The following TBC1D32 variants were observed in gnomAD, a reference collection of about 807,000 sequenced individuals.
TBC1D32 encodes protein broad-minded.
In TBC1D32, 151 loss-of-function variants were observed where a neutral mutation model predicts 170.3. The ratio of observed to expected loss-of-function variants is 0.89; its 90% CI spans 0.78 to 1.01. The LOEUF is 1.01. Ranked by LOEUF, TBC1D32 falls within the 50% of genes least tolerant of loss-of-function variation. TBC1D32 has a pLI of 0.00. For missense variants in TBC1D32, 1,464 were observed against 1,457.1 expected, an observed-to-expected ratio of 1.00 and a Z score of -0.08; for synonymous variants, 498 against 488.0, an observed-to-expected ratio of 1.02 and a Z score of -0.27.
chr6:121,173,503 T>C (rs1310176118), intron 22 of TBC1D32, among the ~76,000 whole-genome samples: 7 of 151,802 alleles, frequency 4.6e-5, no homozygotes, highest in Non-Finnish European at 1.0e-4. Flanking sequence ...TTCCCAAAAA[T>C]GAGGAGTATA....
intron 12 of TBC1D32, among the ~76,000 whole-genome samples, chr6:121,289,022 C>T (rs574489471): frequency 6.6e-6 from 1 of 152,210 alleles, no homozygotes; most frequent in South Asian, 2.1e-4. Flanking sequence ...TAAGAGCTAT[C>T]TATGACAAAC....
chr6:121,213,492 A>C (rs140337724), intron 21 of TBC1D32, among the ~76,000 whole-genome samples: 49,273 of 75,782 alleles, frequency 0.65, 13,887 homozygotes, highest in Non-Finnish European at 0.71. Context: ...AATAAAATAA[A>C]ATAAAATAAA....
intron 8 of TBC1D32, 54 bp from the exon 9 acceptor site, chr6:121,303,815 C>T: frequency 8.2e-7 from 1 of 1,220,186 alleles, no homozygotes; most frequent in Non-Finnish European, 1.1e-6. Flanking sequence ...TGGTGGTATA[C>T]TTTATATTCA....
chr6:121,083,743 TG>T (rs1775895969), intron 31 of TBC1D32, among the ~76,000 whole-genome samples: 2 of 152,136 alleles, frequency 1.3e-5, no homozygotes, highest in Non-Finnish European at 2.9e-5. Flanking sequence ...AATTCTCCTA[TG>T]TTAGTTACTA....
intron 16 of TBC1D32, among the ~76,000 whole-genome samples, chr6:121,255,834 A>C (rs898964208): frequency 6.6e-6 from 1 of 152,126 alleles, no homozygotes; most frequent in African/African-American, 2.4e-5. Context: ...ATTAACCTAA[A>C]GCCTCATCTA....
At chr6:121,182,231 G>A (rs1181402105) in intron 22 of TBC1D32, among the ~76,000 whole-genome samples, 1 of 151,874 alleles carries the variant, frequency 6.6e-6, no homozygotes, top group Non-Finnish European at 1.5e-5. Flanking sequence ...ACTTGATTGA[G>A]ATTTCATGAG....
chr6:121,301,274 A>C (rs942666944), intron 9 of TBC1D32, among the ~76,000 whole-genome samples: 1 of 152,210 alleles, frequency 6.6e-6, no homozygotes, highest in African/African-American at 2.4e-5. Flanking sequence ...ACAATAGTAT[A>C]GACTTGGAAC....
At chr6:121,120,132 T>C (rs1780106466) in intron 26 of TBC1D32, among the ~76,000 whole-genome samples, 1 of 152,050 alleles carries the variant, frequency 6.6e-6, no homozygotes, top group African/African-American at 2.4e-5. Flanking sequence ...ATCAAAATAA[T>C]AAATATTAAA....
At chr6:121,117,086 T>C (rs1421918843) in intron 26 of TBC1D32, among the ~76,000 whole-genome samples, 1 of 152,174 alleles carries the variant, frequency 6.6e-6, no homozygotes, top group East Asian at 1.9e-4. Flanking sequence ...TTATTTGTTA[T>C]ACAATAAAGT....
chr6:121,298,711 A>G (rs779735302), intron 10 of TBC1D32, among the ~76,000 whole-genome samples: 1 of 152,036 alleles, frequency 6.6e-6, no homozygotes, highest in Non-Finnish European at 1.5e-5. Flanking sequence ...CACAACAATT[A>G]TTGTTCTCCT....
chr6:121,214,105 C>T (rs1267443224), intron 21 of TBC1D32, among the ~76,000 whole-genome samples: 1 of 152,168 alleles, frequency 6.6e-6, no homozygotes, highest in East Asian at 1.9e-4. Context: ...AACTGGACCC[C>T]TTTTCCTTAT....
Position 121,317,594 on chromosome 6 carries a change from ATCT to A in TBC1D32, c.393_395del (p.Glu131del), listed in dbSNP as rs1809110420. ...TCTGCCTTTCTTGATTTCGTGTCTC[ATCT>A]TCTTCAAACTTGTTAATCATAGACT... On this transcript the variant is annotated inframe_deletion, in exon 3 of 32. Coordinates refer to ENST00000398212, the MANE Select transcript of TBC1D32 (RefSeq NM_152730.6). The A allele has an allele frequency of 6.2e-7, 1 of 1,612,620 alleles. No individual in the cohort carries two copies. Among genetic ancestry groups the A allele is most frequent in the Non-Finnish European group, 8.5e-7 (1 of 1,179,318 alleles).
chr6:121,289,208 G>T (rs1014724704), intron 12 of TBC1D32, among the ~76,000 whole-genome samples: 3 of 152,042 alleles, frequency 2.0e-5, no homozygotes, highest in African/African-American at 7.2e-5. Flanking sequence ...AAAGAGGAAG[G>T]CAAATTGTCC....
At chr6:121,295,842 C>T (rs1299963714) in intron 10 of TBC1D32, among the ~76,000 whole-genome samples, 2 of 152,140 alleles carry the variant, frequency 1.3e-5, no homozygotes, top group Non-Finnish European at 2.9e-5. Context: ...CATGGCAGGA[C>T]TTCTGTCTTT....
chr6:121,310,236 A>G (rs74995883), intron 4 of TBC1D32, among the ~76,000 whole-genome samples: 4,973 of 152,118 alleles, frequency 0.033, 192 homozygotes, highest in East Asian at 0.12. Context: ...AACTGCTAAG[A>G]GAGTAGATTT....
At chr6:121,295,119 C>T (rs74534137) in intron 10 of TBC1D32, among the ~76,000 whole-genome samples, 3,616 of 151,708 alleles carry the variant, frequency 0.024, 158 homozygotes, top group East Asian at 0.12. Context: ...TCTCATAATT[C>T]AAAGAAAAGA....
chr6:121,112,119 A>G (rs1283324457), intron 29 of TBC1D32, among the ~76,000 whole-genome samples: 1 of 152,154 alleles, frequency 6.6e-6, no homozygotes, highest in East Asian at 1.9e-4. Flanking sequence ...AATAGTTACA[A>G]TATCTTCCTA....
intron 15 of TBC1D32, among the ~76,000 whole-genome samples, chr6:121,259,252 C>T (rs150388990): frequency 3.9e-5 from 6 of 151,948 alleles, no homozygotes; most frequent in East Asian, 3.9e-4. Flanking sequence ...GAGCAGAGAT[C>T]GCACAACTGC....
chr6:121,317,258 T>C (rs891375107), intron 3 of TBC1D32, among the ~76,000 whole-genome samples: 1 of 152,130 alleles, frequency 6.6e-6, no homozygotes, highest in Non-Finnish European at 1.5e-5. Context: ...AATTCTAACA[T>C]ACATTAATTT....
Sources: gnomAD v4.1 joint callset for allele counts (sites outside exome capture counted in the v4.1 genomes callset) on GRCh38, gnomAD v4.1.1 for gene constraint, MANE v1.5 for transcripts, NCBI Gene and HGNC (gene_info 2026-07-23, HGNC 2026-07-21) for gene names.